The following ERBB4 variants were observed in gnomAD, a reference collection of about 807,000 sequenced individuals.
ERBB4 encodes receptor tyrosine-protein kinase erbB-4.
Under a neutral mutation model 158.0 loss-of-function variants are expected in ERBB4, and 42 were observed. The ratio of observed to expected loss-of-function variants is 0.27; its 90% confidence interval spans 0.21 to 0.34. The LOEUF (loss-of-function observed/expected upper bound fraction) is 0.34. ERBB4 is among the 10% of genes least tolerant of loss of function. The pLI is 1.00. For synonymous variants in ERBB4, 583 were observed against 558.7 expected (o/e 1.04, Z -0.61); for missense variants, 1,333 against 1,624.1 (o/e 0.82, Z 3.08).
At chr2:212,224,332 C>T (rs1487177633) in intron 1 of ERBB4, among the ~76,000 whole-genome samples, 1 of 151,712 alleles carries the variant, frequency 6.6e-6, no homozygotes, top group African/African-American at 2.4e-5. Context: ...CTGTAGTTCT[C>T]AAATAAAGGT....
At chr2:212,010,513 A>T (rs1475526069) in intron 2 of ERBB4, among the ~76,000 whole-genome samples, 1 of 152,208 alleles carries the variant, frequency 6.6e-6, no homozygotes, top group Non-Finnish European at 1.5e-5. Context: ...AACAAAGATC[A>T]CATGCTTCTG....
chr2:211,498,196 T>G (rs1351031454), intron 20 of ERBB4, among the ~76,000 whole-genome samples: 3 of 152,120 alleles, frequency 2.0e-5, no homozygotes, highest in Non-Finnish European at 4.4e-5. Flanking sequence ...TTGACTTCTT[T>G]CAACCTAGGA....
chr2:212,450,034 A>T (rs974518182), intron 1 of ERBB4, among the ~76,000 whole-genome samples: 1 of 152,188 alleles, frequency 6.6e-6, no homozygotes, highest in Non-Finnish European at 1.5e-5. Flanking sequence ...AATCATTTAA[A>T]AAGTCTGGTT....
At chr2:212,485,116 G>C (rs1406247639) in intron 1 of ERBB4, among the ~76,000 whole-genome samples, 1 of 152,180 alleles carries the variant, frequency 6.6e-6, no homozygotes, top group African/African-American at 2.4e-5. Flanking sequence ...GAGCCAGAAA[G>C]CAGCAGAGAA....
intron 13 of ERBB4, among the ~76,000 whole-genome samples, chr2:211,673,743 G>A (rs2105941097): frequency 6.6e-6 from 1 of 151,724 alleles, no homozygotes; most frequent in South Asian, 2.1e-4. Flanking sequence ...ATTTATTTTT[G>A]GTGAAATTTC....
chr2:212,250,520 T>C (rs2084490466), intron 1 of ERBB4, among the ~76,000 whole-genome samples: 1 of 151,978 alleles, frequency 6.6e-6, no homozygotes. Context: ...TGCGAGATAT[T>C]TAACTTCATT....
intron 20 of ERBB4, among the ~76,000 whole-genome samples, chr2:211,551,094 G>C (rs573470147): frequency 9.2e-5 from 14 of 152,096 alleles, no homozygotes; most frequent in African/African-American, 3.4e-4. Flanking sequence ...ATTAAACACT[G>C]TATCTCCATG....
At position 212,386,365 on chromosome 2, in the gene ERBB4, G is replaced by A. The variant is rs545805682; in HGVS notation, c.82+152084C>T. Among the ~76,000 whole-genome samples, 3 of 151,822 alleles carry A rather than the reference G, an allele frequency of 2.0e-5. No individual in the cohort carries two copies. The South Asian group carries it at 6.2e-4, about 32-fold the overall frequency. On this transcript the variant is annotated intron_variant, in intron 1 of 27. Coordinates refer to ENST00000342788, the MANE Select transcript of ERBB4 (RefSeq NM_005235.3). The stretch of plus-strand genomic sequence containing the variant: ...CCTAGAATCTCTCATTCTTTCTCCA[G>A]GTTTGGGTGGGGAATGGCACAATCA...
At chr2:211,968,751 C>A (rs558477658) in intron 2 of ERBB4, among the ~76,000 whole-genome samples, 1 of 151,954 alleles carries the variant, frequency 6.6e-6, no homozygotes, top group Admixed American at 6.6e-5. Flanking sequence ...TATGCATTTT[C>A]TTCTTTTTTA....
chr2:212,388,232 T>G (rs142068460), intron 1 of ERBB4, among the ~76,000 whole-genome samples: 1 of 152,194 alleles, frequency 6.6e-6, no homozygotes, highest in East Asian at 1.9e-4. Flanking sequence ...TCTAGTTCAG[T>G]TGGAAGTAGC....
chr2:212,003,108 AGAAAGAAGGAAG>A (rs2076147289), intron 2 of ERBB4, among the ~76,000 whole-genome samples: 1 of 37,474 alleles, frequency 2.7e-5, no homozygotes, highest in African/African-American at 5.7e-5. Context: ...ACAGAAAGAA[AGAAAGAAGGAAG>A]GAAGGAAGGA....
chr2:212,030,183 A>G (rs902515636), intron 2 of ERBB4, among the ~76,000 whole-genome samples: 5 of 152,108 alleles, frequency 3.3e-5, no homozygotes, highest in Admixed American at 3.3e-4. Flanking sequence ...TTCAATCCCC[A>G]TATCCAATCA....
At chr2:212,518,978 A>G (rs1047567562) in intron 1 of ERBB4, among the ~76,000 whole-genome samples, 2 of 151,926 alleles carry the variant, frequency 1.3e-5, no homozygotes, top group African/African-American at 2.4e-5. Context: ...GACAGCTGTT[A>G]TATCATCTCC....
At chr2:211,545,207 A>AT (rs1168335473) in intron 20 of ERBB4, among the ~76,000 whole-genome samples, 3 of 152,042 alleles carry the variant, frequency 2.0e-5, no homozygotes, top group South Asian at 4.2e-4. Context: ...GACGCTTAAC[A>AT]TTTTTTTTAA....
intron 3 of ERBB4, among the ~76,000 whole-genome samples, chr2:211,833,501 G>T (rs1430142113): frequency 6.6e-6 from 1 of 151,942 alleles, no homozygotes; most frequent in Non-Finnish European, 1.5e-5. Context: ...CTGGCAAGGA[G>T]AATGGACTAC....
intron 3 of ERBB4, among the ~76,000 whole-genome samples, chr2:211,804,956 G>A (rs1180467300): frequency 7.1e-6 from 1 of 140,930 alleles, no homozygotes; most frequent in Non-Finnish European, 1.5e-5. Flanking sequence ...GTGTTGCTCT[G>A]TCACCCAGGC....
chr2:212,197,954 C>T (rs2105895125), intron 1 of ERBB4, among the ~76,000 whole-genome samples: 1 of 152,130 alleles, frequency 6.6e-6, no homozygotes, highest in East Asian at 1.9e-4. Context: ...AAGACAGATC[C>T]CCTCAAGAAC....
Position 211,559,717 on chromosome 2 carries a change from C to T in ERBB4, c.2487+2186G>A, listed in dbSNP as rs2067333648. 3.3e-5 allele frequency among the ~76,000 whole-genome samples: 5 copies of T among 152,102 alleles called. No homozygotes were observed. In the South Asian group the frequency reaches 1.0e-3, roughly 31 times the overall value. On this transcript the variant is annotated intron_variant, in intron 20 of 27. Coordinates refer to ENST00000342788, the MANE Select transcript of ERBB4 (RefSeq NM_005235.3). Reference sequence around the variant, plus strand: ...TCATTTGTTGAATGTCTGTTCAATCCATTAGGGTGCACAGAGAGAACCAGG... The same window carrying T: ...TCATTTGTTGAATGTCTGTTCAATCTATTAGGGTGCACAGAGAGAACCAGG...
intron 20 of ERBB4, among the ~76,000 whole-genome samples, chr2:211,541,119 T>C (rs2066798134): frequency 6.6e-6 from 1 of 151,966 alleles, no homozygotes; most frequent in Admixed American, 6.6e-5. Flanking sequence ...AATGTGGTCT[T>C]TATTTTTTTA....
Sources: allele counts gnomAD v4.1 joint callset (sites outside exome capture counted in the v4.1 genomes callset), GRCh38; gene constraint gnomAD v4.1.1; transcripts MANE v1.5; gene names NCBI Gene and HGNC (gene_info 2026-07-23, HGNC 2026-07-21).